The following SECTM1 variants were observed in gnomAD, a reference collection of about 807,000 sequenced individuals.
SECTM1 encodes secreted and transmembrane 1, also known as secreted and transmembrane protein 1.
Under a neutral mutation model 18.1 loss-of-function variants are expected in SECTM1, and 10 were observed. The ratio of observed to expected loss-of-function variants is 0.55; its 90% CI spans 0.34 to 0.94. The LOEUF (loss-of-function observed/expected upper bound fraction) is 0.94. Among genes scored for constraint, SECTM1 ranks in the 40% least tolerant of loss-of-function variants. SECTM1 has a pLI of 0.02. For synonymous variants in SECTM1, 137 were observed against 139.2 expected, an observed-to-expected ratio of 0.98 and a Z score of 0.11; for missense variants, 297 against 322.6, an observed-to-expected ratio of 0.92 and a Z score of 0.61.
chr17:82,322,464 T>C, intron 4 of SECTM1, 94 bp from the exon 5 acceptor site: 1 of 1,210,038 alleles, frequency 8.3e-7, no homozygotes, highest in South Asian at 1.3e-5. Flanking sequence ...CGGGCATACG[T>C]GCTCATGCAC....
chr17:82,328,216 C>T lies in SECTM1; in HGVS notation c.-52-924G>A, dbSNP rs1480104793. 6.6e-6 allele frequency: 1 copy of T among 152,200 alleles called. No homozygotes were observed. The highest frequency in any genetic ancestry group is 2.4e-5 in the African/African-American group (1 of 41,424). The allele number at this position is 152,200 out of a possible 1,614,324, so 9.4% of individuals were successfully genotyped here. A position where few individuals can be genotyped will look rare whatever the true frequency, so the allele number is the denominator to read the frequency against. On this transcript the variant is annotated intron_variant, in intron 1 of 4. Coordinates refer to ENST00000269389, the MANE Select transcript of SECTM1 (RefSeq NM_003004.3). This position sits in a 1 kb window ranked among gnomAD's most constrained non-coding sequence, Gnocchi z 5.8. ...TGCCATCTTGTCTCAGGCCTGCAAA[C>T]ACTAGGGGCCCCCTAGCTGTGTGGC...
chr17:82,331,779 G>T (rs559873545), intron 1 of SECTM1, among the ~76,000 whole-genome samples: 8 of 152,386 alleles, frequency 5.2e-5, no homozygotes, highest in Admixed American at 1.3e-4. Context: ...GCAGCTCCGT[G>T]TGTGGCACAG....
intron 3 of SECTM1, chr17:82,323,448 G>A (rs2052115676): frequency 6.1e-6 from 1 of 164,144 alleles, no homozygotes. Flanking sequence ...GAGCAAAGCG[G>A]AACCCAATTT....
rs746691702 is a variant in SECTM1 at position 82,322,991 on chromosome 17, G to C, written c.424C>G (p.Pro142Ala). Residue 142 changes from proline (P) to alanine (A), a missense_variant, in exon 4 of 5, where the codon CCC (proline) becomes GCC (alanine). Transcript: ENST00000269389. The stretch of plus-strand genomic sequence containing the variant: ...GGCACAGGCCAGAACCCAGTGTCGG[G>C]GGCGGACTGGGGTTCTGCACCTGAA... Reference protein sequence around the residue: ...EVSGAEPQSAPDTGFWPVPAV... With the variant: ...EVSGAEPQSAADTGFWPVPAV... 6.2e-7 allele frequency: 1 copy of C among 1,612,924 alleles called. No homozygotes were observed. The highest frequency in any genetic ancestry group is 2.2e-5 in the East Asian group (1 of 44,848).
At position 82,330,034 on chromosome 17, in the gene SECTM1, C is replaced by T. The variant is rs952904533; in HGVS notation, c.-52-2742G>A. Among the ~76,000 whole-genome samples the T allele has an allele frequency of 2.6e-5, 4 of 152,182 alleles. No individual in the cohort carries two copies. The highest frequency in any genetic ancestry group is 7.2e-5 in the African/African-American group (3 of 41,442). ...GACCACAGAACCCCCACCCCCAGTGCGGTGGGAGACCCAGGCCACCTGCAG... is the reference window on the plus strand; with the variant it reads ...GACCACAGAACCCCCACCCCCAGTGTGGTGGGAGACCCAGGCCACCTGCAG... On this transcript the variant is annotated intron_variant, in intron 1 of 4. Transcript: ENST00000269389. This position sits in a 1 kb window ranked among gnomAD's most constrained non-coding sequence, Gnocchi z 6.1.
At chr17:82,324,226 G>T (rs981002391) in intron 3 of SECTM1, among the ~76,000 whole-genome samples, 4 of 152,020 alleles carry the variant, frequency 2.6e-5, no homozygotes, top group Non-Finnish European at 5.9e-5. Context: ...TGGCTGCAGG[G>T]TGCAGCCCCC....
chr17:82,323,055 C>T, intron 3 of SECTM1, 44 bp from the exon 4 acceptor site: 2 of 1,575,856 alleles, frequency 1.3e-6, no homozygotes, highest in Non-Finnish European at 8.6e-7. Context: ...CTGGGCATCC[C>T]CCACCCCCTA....
intron 3 of SECTM1, 39 bp downstream of exon 3, chr17:82,324,540 CTCT>C: frequency 7.0e-7 from 1 of 1,420,378 alleles, no homozygotes; most frequent in Non-Finnish European, 9.6e-7. Flanking sequence ...CCCGTGTCCC[CTCT>C]CACTCCCCTC....
In SECTM1 at chr17:82,328,862, G is replaced by A. The variant is rs571942363; in HGVS notation, c.-52-1570C>T. ...CCCTGCTAGGAAAAGTCCCTAGGTAGGGCGGCAACTCCAGCCCTGCCTCTC... is the reference window on the plus strand; with the variant it reads ...CCCTGCTAGGAAAAGTCCCTAGGTAAGGCGGCAACTCCAGCCCTGCCTCTC... On this transcript the variant is annotated intron_variant, in intron 1 of 4. Transcript: ENST00000269389. This position sits in a 1 kb window ranked among gnomAD's most constrained non-coding sequence, Gnocchi z 5.8. 6.6e-5 allele frequency among the ~76,000 whole-genome samples: 10 copies of A among 152,206 alleles called. No homozygotes were observed. Among genetic ancestry groups the A allele is most frequent in the Non-Finnish European group, 1.5e-4 (10 of 68,024 alleles).
In SECTM1 at chr17:82,323,238, C is replaced by T. The variant is rs538154111; in HGVS notation, c.404-227G>A. 2.3e-4 allele frequency: 127 copies of T among 558,976 alleles called. 1 individual carries two copies. In the South Asian group the frequency reaches 2.6e-3, roughly 11 times the overall value. The allele number at this position is 558,976 out of a possible 1,614,324, so 34.6% of individuals were successfully genotyped here. A position where few individuals can be genotyped will look rare whatever the true frequency, so the allele number is the denominator to read the frequency against. ...GACCCAGAGCGCAGGTGTGTCGGGG[C>T]AGCGAGGGAAACATCTACCCCTGGA... is the stretch of plus-strand genomic sequence containing the variant. On this transcript the variant is annotated intron_variant, in intron 3 of 4. Transcript: ENST00000269389.
chr17:82,323,811 C>T (rs2052120105), intron 3 of SECTM1, among the ~76,000 whole-genome samples: 1 of 151,366 alleles, frequency 6.6e-6, no homozygotes, highest in South Asian at 2.1e-4. Context: ...GGTGATCATG[C>T]CTGTGTCGGG....
At chr17:82,327,087 CT>C in intron 2 of SECTM1, 59 bp downstream of exon 2, 2 of 1,348,510 alleles carry the variant, frequency 1.5e-6, no homozygotes, top group Non-Finnish European at 1.0e-6. Flanking sequence ...CCTCCTGCCC[CT>C]GTCATGCCCC....
rs1292831292 is a variant in SECTM1 at position 82,326,406 on chromosome 17, C to T, written c.94+741G>A. Among the ~76,000 whole-genome samples, 2 of 151,726 alleles carry T rather than the reference C, an allele frequency of 1.3e-5. No individual in the cohort carries two copies. Among genetic ancestry groups the T allele is most frequent in the African/African-American group, 4.8e-5 (2 of 41,246 alleles). On this transcript the variant is annotated intron_variant, in intron 2 of 4. Transcript: ENST00000269389. The surrounding 1 kb of genome is among the most constrained non-coding windows in gnomAD (Gnocchi z 4.3). ...CTTGAGCCCAGGAGTTTGAGACCAG[C>T]CTGAGCAACATGGCAAAACCCCATC...
rs188696300 is a variant in SECTM1, at chr17:82,330,221, C to T, written c.-52-2929G>A. 7.9e-5 allele frequency among the ~76,000 whole-genome samples: 12 copies of T among 152,312 alleles called. No individual in the cohort carries two copies. In the East Asian group the frequency reaches 1.3e-3, roughly 17 times the overall value. ...TGCTGGGGGCTCCCCCACTGCTCTC[C>T]GCACCACCCCGCCGACCGTGTCCGG... On this transcript the variant is annotated intron_variant, in intron 1 of 4. Transcript: ENST00000269389. This position sits in a 1 kb window ranked among gnomAD's most constrained non-coding sequence, Gnocchi z 6.1.
In SECTM1 at chr17:82,328,992, T is replaced by C. The variant is rs1299240154; in HGVS notation, c.-52-1700A>G. ...TTCAGACGTGCTATTTATAGATGTC[T>C]ATAGATTTATAGATGTGTGTTTCTC... On this transcript the variant is annotated intron_variant, in intron 1 of 4. Transcript: ENST00000269389. This position sits in a 1 kb window ranked among gnomAD's most constrained non-coding sequence, Gnocchi z 5.8. Among the ~76,000 whole-genome samples, 3 of 152,202 alleles carry C rather than the reference T, an allele frequency of 2.0e-5. No homozygotes were observed. The highest frequency in any genetic ancestry group is 2.9e-5 in the Non-Finnish European group (2 of 68,024).
Position 82,328,824 on chromosome 17 carries a change from C to T in SECTM1, c.-52-1532G>A, listed in dbSNP as rs1035129381. ...TTCGTGGCCAGGCTGCCCTGCCTCT[C>T]GGGTGCCTGCACCCCTGCTAGGAAA... On this transcript the variant is annotated intron_variant, in intron 1 of 4. Coordinates refer to ENST00000269389, the MANE Select transcript of SECTM1 (RefSeq NM_003004.3). This position sits in a 1 kb window ranked among gnomAD's most constrained non-coding sequence, Gnocchi z 5.8. 1.3e-5 allele frequency among the ~76,000 whole-genome samples: 2 copies of T among 152,138 alleles called. No individual in the cohort carries two copies. The highest frequency in any genetic ancestry group is 2.4e-5 in the African/African-American group (1 of 41,422).
chr17:82,323,041 T>C, intron 3 of SECTM1, 30 bp from the exon 4 acceptor site: 1 of 1,593,816 alleles, frequency 6.3e-7, no homozygotes, highest in Non-Finnish European at 8.5e-7. Flanking sequence ...GGTGTACAGG[T>C]GGGCTGGGCA....
At chr17:82,323,051 A>G in intron 3 of SECTM1, 40 bp from the exon 4 acceptor site, 1 of 1,581,432 alleles carries the variant, frequency 6.3e-7, no homozygotes, top group Non-Finnish European at 8.6e-7. Flanking sequence ...TGGGCTGGGC[A>G]TCCCCCACCC....
In SECTM1 at chr17:82,322,720, G is replaced by A. The variant is rs148747065; in HGVS notation, c.537+158C>T. On this transcript the variant is annotated intron_variant, in intron 4 of 4. Transcript: ENST00000269389. Reference sequence around the variant, plus strand: ...TGGCTCTGTATTCTTGACCATAGCCGGCTGGGCCCCTGGCGGGGACTGGCT... The same window carrying A: ...TGGCTCTGTATTCTTGACCATAGCCAGCTGGGCCCCTGGCGGGGACTGGCT... Among the ~76,000 whole-genome samples the A allele has an allele frequency of 5.2e-3, 795 of 152,232 alleles. 10 individuals are homozygous for A. Among genetic ancestry groups the A allele is most frequent in the African/African-American group, 8.1e-3 (338 of 41,530 alleles).
Sources: allele counts gnomAD v4.1 joint callset (sites outside exome capture counted in the v4.1 genomes callset), GRCh38; gene constraint gnomAD v4.1.1; non-coding constraint Gnocchi (gnomAD v3.1); transcripts MANE v1.5; gene names NCBI Gene and HGNC (gene_info 2026-07-23, HGNC 2026-07-21).